The following NRG4 variants were observed in gnomAD, a reference collection of about 807,000 sequenced individuals.
The protein encoded by NRG4 is pro-neuregulin-4, membrane-bound isoform.
In NRG4, 10 loss-of-function variants were observed where a neutral mutation model predicts 15.0. That is an observed-to-expected ratio of 0.67 (90% CI 0.41 to 1.13). The LOEUF (loss-of-function observed/expected upper bound fraction) is 1.13, where lower values mean the gene tolerates loss of function less well. NRG4 is among the 50% of genes most tolerant of loss of function. The pLI, the probability that NRG4 is intolerant of heterozygous loss-of-function variation, is 0.00. For synonymous variants in NRG4, 41 were observed against 50.1 expected (o/e 0.82, Z 0.77); for missense variants, 139 against 140.2 (o/e 0.99, Z 0.04).
At chr15:75,992,847 C>G (rs1357365135) in intron 3 of NRG4, among the ~76,000 whole-genome samples, 2 of 151,588 alleles carry the variant, frequency 1.3e-5, no homozygotes, top group African/African-American at 4.8e-5. Context: ...TATAACAGTA[C>G]TTTATTGACA....
chr15:75,959,599 ATCC>A (rs2032417822), intron 4 of NRG4, among the ~76,000 whole-genome samples: 1 of 151,898 alleles, frequency 6.6e-6, no homozygotes, highest in African/African-American at 2.4e-5. Context: ...GCCTTGGGGG[ATCC>A]TCCTGCTTCT....
At chr15:76,000,593 T>C (rs2034376850) in intron 3 of NRG4, among the ~76,000 whole-genome samples, 1 of 152,234 alleles carries the variant, frequency 6.6e-6, no homozygotes, top group South Asian at 2.1e-4. Context: ...TCTCTATGGA[T>C]AGCAATTTGG....
Position 76,019,496 on chromosome 15 carries a change from C to T in NRG4, c.-56-8210G>A, listed in dbSNP as rs367861908. Among the ~76,000 whole-genome samples the T allele has an allele frequency of 9.9e-5, 15 of 152,170 alleles. 1 individual carries two copies. Among genetic ancestry groups the T allele is most frequent in the East Asian group, 3.9e-4 (2 of 5,182 alleles). On this transcript the variant is annotated intron_variant, in intron 5 of 8. Coordinates refer to the NRG4 transcript ENST00000563910. ...ACTCAGGGCCCTGATGGCGTAGGCA[C>T]GTGAGGGAATTTCCTCATCTGTGGG...
At chr15:76,049,726 A>G (rs1291955802) in intron 4 of NRG4, among the ~76,000 whole-genome samples, 1 of 150,914 alleles carries the variant, frequency 6.6e-6, no homozygotes, top group Non-Finnish European at 1.5e-5. Context: ...TTGCTCCTAC[A>G]TGAGATTTTC....
chr15:75,949,006 ACGTCC>A (rs2031712918), intron 5 of NRG4, among the ~76,000 whole-genome samples: 1 of 152,218 alleles, frequency 6.6e-6, no homozygotes, highest in Non-Finnish European at 1.5e-5. Flanking sequence ...AGCTATGATC[ACGTCC>A]CTGCACTGCT....
At chr15:76,013,049 G>A (rs994937802), upstream of NRG4, among the ~76,000 whole-genome samples, 1 of 152,042 alleles carries the variant, frequency 6.6e-6, no homozygotes, top group Non-Finnish European at 1.5e-5. Context: ...AATGAATATA[G>A]AGTTCTTCAT....
At chr15:76,001,592 T>C (rs544759272) in intron 3 of NRG4, among the ~76,000 whole-genome samples, 1 of 152,266 alleles carries the variant, frequency 6.6e-6, no homozygotes, top group African/African-American at 2.4e-5. Context: ...TTTGCTTCAT[T>C]TGACAAATAC....
intron 5 of NRG4, chr15:76,035,824 G>T (rs1485517680): frequency 6.6e-6 from 1 of 152,194 alleles, no homozygotes; most frequent in Non-Finnish European, 1.5e-5. Context: ...AGGCTATTTA[G>T]AAGTTAAAGA....
intron 4 of NRG4, among the ~76,000 whole-genome samples, chr15:76,049,779 C>T (rs912161508): frequency 6.6e-5 from 10 of 150,920 alleles, no homozygotes; most frequent in Middle Eastern, 3.4e-3. Flanking sequence ...TTGAAATCTC[C>T]ACCCTATCCC....
At chr15:75,961,799 T>A in intron 4 of NRG4, 29 bp downstream of exon 4, 5 of 1,556,786 alleles carry the variant, frequency 3.2e-6, no homozygotes, top group Non-Finnish European at 3.5e-6. Context: ...GTATTACTTT[T>A]CTCAAAAGCA....
chr15:76,039,052 C>T (rs762902097), intron 4 of NRG4, among the ~76,000 whole-genome samples: 10 of 152,208 alleles, frequency 6.6e-5, no homozygotes, highest in Non-Finnish European at 1.2e-4. Flanking sequence ...CATTACTGGG[C>T]TTGAGGTGCC....
chr15:76,042,852 T>TA (rs1188610648), intron 4 of NRG4, among the ~76,000 whole-genome samples: 5 of 150,638 alleles, frequency 3.3e-5, no homozygotes, highest in Admixed American at 6.6e-5. Context: ...AAAACACATT[T>TA]AAAAAAAAAG....
downstream of NRG4, chr15:75,937,625 G>GAAA (rs918980223): frequency 6.8e-6 from 1 of 147,468 alleles, no homozygotes; most frequent in African/African-American, 2.4e-5. Flanking sequence ...AGAATGGTAG[G>GAAA]AAAATATTGT....
Position 75,943,502 on chromosome 15 carries a change from A to G in NRG4, c.*136T>C. 2 of 639,182 alleles carry G rather than the reference A, an allele frequency of 3.1e-6. No individual in the cohort carries two copies. The highest frequency in any genetic ancestry group is 1.9e-5 in the South Asian group (1 of 51,960). 39.6% of individuals were successfully genotyped at this position (639,182 alleles called of 1,614,324 possible). On this transcript the variant is annotated 3_prime_UTR_variant, in exon 6 of 6. Transcript: ENST00000394907. The stretch of plus-strand genomic sequence containing the variant: ...CACACACCTTGCAGCAGAATGGATT[A>G]TGGTTCATGATACGAGTTACACAAG...
intron 3 of NRG4, chr15:75,969,025 A>G: frequency 3.5e-6 from 1 of 286,586 alleles, no homozygotes; most frequent in Non-Finnish European, 7.1e-6. Flanking sequence ...TCAAGGGTTC[A>G]AGACCATAAA....
At chr15:76,037,701 C>T (rs2035626540) in intron 4 of NRG4, among the ~76,000 whole-genome samples, 2 of 152,128 alleles carry the variant, frequency 1.3e-5, no homozygotes, top group Admixed American at 6.5e-5. Flanking sequence ...TACTGAGACA[C>T]AAGCCAGGGC....
chr15:76,059,750 CG>C (rs2036250406), exon 1 of NRG4: 1 of 150,872 alleles, frequency 6.6e-6, no homozygotes, highest in African/African-American at 2.4e-5. Flanking sequence ...CCCTGCCAGC[CG>C]ACGCCGCGGT....
chr15:75,971,414 C>G (rs2033085483), intron 3 of NRG4, among the ~76,000 whole-genome samples: 1 of 151,976 alleles, frequency 6.6e-6, no homozygotes, highest in African/African-American at 2.4e-5. Flanking sequence ...AATGTTATGC[C>G]CACTGGGAAG....
intron 2 of NRG4, among the ~76,000 whole-genome samples, chr15:76,054,737 G>A (rs1417699631): frequency 2.6e-5 from 4 of 152,146 alleles, no homozygotes; most frequent in Admixed American, 2.6e-4. Context: ...CAATAGGAAA[G>A]AGACAGTGGA....
Sources: allele counts gnomAD v4.1 joint callset (sites outside exome capture counted in the v4.1 genomes callset), GRCh38; gene constraint gnomAD v4.1.1; transcripts MANE v1.5; gene names NCBI Gene and HGNC (gene_info 2026-07-23, HGNC 2026-07-21).